Variants in POC1B observed in about 807,000 individuals in gnomAD.
POC1B encodes POC1 centriolar protein homolog B.
In POC1B, 44 loss-of-function variants were observed where a neutral mutation model predicts 60.6. That is an observed-to-expected ratio of 0.73 (90% CI 0.57 to 0.93). The LOEUF (loss-of-function observed/expected upper bound fraction) is 0.93. Ranked by LOEUF, POC1B falls within the 40% of genes least tolerant of loss-of-function variation. The pLI is 0.00. For synonymous variants in POC1B, 180 were observed against 198.9 expected (o/e 0.90, Z 0.80); for missense variants, 555 against 572.3 (o/e 0.97, Z 0.31).
chr12:89,469,436 G>A (rs1040349246), intron 7 of POC1B, among the ~76,000 whole-genome samples: 1 of 152,246 alleles, frequency 6.6e-6, no homozygotes, highest in East Asian at 1.9e-4. Context: ...ATAAATGCTT[G>A]TAAAAAGAGA....
chr12:89,445,992 C>T (rs941702794), intron 10 of POC1B, among the ~76,000 whole-genome samples: 7 of 152,174 alleles, frequency 4.6e-5, no homozygotes, highest in Admixed American at 6.5e-5. Context: ...AGCCAACAGA[C>T]ACATGAAAAA....
At chr12:89,451,725 ATG>A (rs995989040) in intron 10 of POC1B, among the ~76,000 whole-genome samples, 4 of 152,348 alleles carry the variant, frequency 2.6e-5, no homozygotes, top group African/African-American at 9.6e-5. Flanking sequence ...ACTGAAAAAT[ATG>A]TGTTAGCAGA....
Position 89,525,174 on chromosome 12 carries a change from C to T in POC1B, c.46G>A (p.Gly16Ser), listed in dbSNP as rs780295968. The change falls in exon 2 of 12, where the codon GGC (glycine) becomes AGC (serine). Residue 16 changes from glycine (G) to serine (S), a missense_variant. Gly to Ser is a moderately conservative substitution (Grantham distance 56). Coordinates refer to ENST00000313546, the MANE Select transcript of POC1B (RefSeq NM_172240.3). ...EDPVLERYFK[G>S]HKAAITSLDL... ...AAGGAGGTGATCGCAGCTTTGTGGC[C>T]TTTGAAATAACGCTCCAGAACGGGG... 8 of 1,613,418 alleles carry T rather than the reference C, an allele frequency of 5.0e-6. No individual in the cohort carries two copies. Among genetic ancestry groups the T allele is most frequent in the Admixed American group, 3.3e-5 (2 of 59,970 alleles).
At chr12:89,476,759 T>TAGATAGATAGATAGACAGAC (rs1485211003) in intron 4 of POC1B, among the ~76,000 whole-genome samples, 27 of 58,642 alleles carry the variant, frequency 4.6e-4, no homozygotes, top group East Asian at 2.5e-3. Context: ...GATAGATAGA[T>TAGATAGATAGATAGACAGAC]AGACAGACAG....
intron 2 of POC1B, chr12:89,500,354 C>T: frequency 6.6e-7 from 1 of 1,507,848 alleles, no homozygotes; most frequent in Non-Finnish European, 9.2e-7. Context: ...GTCAGTTCCA[C>T]TTTCTTCAAG....
downstream of POC1B, among the ~76,000 whole-genome samples, chr12:89,416,728 G>C (rs903744794): frequency 6.6e-6 from 1 of 152,084 alleles, no homozygotes; most frequent in Admixed American, 6.6e-5. Context: ...ACAAGCCAGA[G>C]ACCTAATTTA....
rs1317129850 is a variant in POC1B at position 89,525,987 on chromosome 12, C to T, written c.-92G>A. On this transcript the variant is annotated 5_prime_UTR_variant, in exon 1 of 12. Transcript: ENST00000313546. ...GGAAGGAGAGGGGACCGTGCGGCTC[C>T]CGGAACCGTCTGCCCAGAGCGGCAG... 5.2e-6 allele frequency: 8 copies of T among 1,543,604 alleles called. No individual in the cohort carries two copies. In the African/African-American group the frequency reaches 6.9e-5, roughly 13 times the overall value.
intron 1 of POC1B, chr12:89,525,552 T>C (rs1414471140): frequency 2.1e-5 from 6 of 281,716 alleles, no homozygotes; most frequent in South Asian, 2.1e-4. Context: ...GCTTTGGTAC[T>C]TTTTTTTTTT....
At chr12:89,450,212 C>T (rs1320538540) in intron 10 of POC1B, among the ~76,000 whole-genome samples, 1 of 144,902 alleles carries the variant, frequency 6.9e-6, no homozygotes, top group African/African-American at 2.5e-5. Context: ...AAATCTTCTT[C>T]TTTTTTTTTT....
In POC1B at chr12:89,525,948, A is replaced by C. The variant is rs1211362866; in HGVS notation, c.-53T>G. 6.5e-6 allele frequency: 10 copies of C among 1,535,238 alleles called. No individual in the cohort carries two copies. The South Asian group carries it at 1.2e-4, about 19-fold the overall frequency. ...GTGGGTGGGGGAACCCGGAGAGGGG[A>C]GGGGAGAGGATGGGGAAGGAGAGGG... On this transcript the variant is annotated 5_prime_UTR_variant, in exon 1 of 12. Transcript: ENST00000313546.
chr12:89,408,809 C>A, the POC1B span, among the ~76,000 whole-genome samples: 3 of 152,094 alleles, frequency 2.0e-5, no homozygotes, highest in African/African-American at 7.2e-5. Flanking sequence ...TTTTAATGAT[C>A]GCCATTCTAA....
intron 4 of POC1B, among the ~76,000 whole-genome samples, chr12:89,481,819 T>A (rs1217669200): frequency 4.6e-5 from 7 of 152,176 alleles, no homozygotes; most frequent in African/African-American, 1.7e-4. Context: ...CAGCCTTTTC[T>A]GAATACTCCA....
At chr12:89,500,310 C>T (rs904432245) in intron 2 of POC1B, 23 of 1,532,506 alleles carry the variant, frequency 1.5e-5, no homozygotes, top group Non-Finnish European at 2.0e-5. Flanking sequence ...TGTATTCAGT[C>T]ACCAAGCAAA....
At chr12:89,483,607 C>A (rs1371937657) in intron 4 of POC1B, among the ~76,000 whole-genome samples, 1 of 152,160 alleles carries the variant, frequency 6.6e-6, no homozygotes, top group Non-Finnish European at 1.5e-5. Context: ...AATACCCTCA[C>A]CTTTGGGGTA....
chr12:89,473,548 C>G (rs866509608), intron 4 of POC1B, among the ~76,000 whole-genome samples: 1 of 151,534 alleles, frequency 6.6e-6, no homozygotes, highest in Non-Finnish European at 1.5e-5. Context: ...GTAATCCCAG[C>G]TACTCAGGAG....
intron 2 of POC1B, among the ~76,000 whole-genome samples, chr12:89,504,685 G>A (rs922469906): frequency 6.6e-6 from 1 of 151,856 alleles, no homozygotes; most frequent in Non-Finnish European, 1.5e-5. Context: ...CAAAAATTAA[G>A]AAGTTTTGTT....
At chr12:89,447,191 A>G (rs565522837) in intron 10 of POC1B, among the ~76,000 whole-genome samples, 1 of 152,180 alleles carries the variant, frequency 6.6e-6, no homozygotes, top group Non-Finnish European at 1.5e-5. Context: ...AATTGTAACT[A>G]TTTGGTAAAC....
chr12:89,476,835 T>C (rs1471473724), intron 4 of POC1B, among the ~76,000 whole-genome samples: 1 of 152,082 alleles, frequency 6.6e-6, no homozygotes, highest in African/African-American at 2.4e-5. Flanking sequence ...CAGAATACAT[T>C]TTCTATAAAA....
At chr12:89,514,718 C>A (rs1171655150) in intron 2 of POC1B, among the ~76,000 whole-genome samples, 1 of 152,004 alleles carries the variant, frequency 6.6e-6, no homozygotes, top group Non-Finnish European at 1.5e-5. Flanking sequence ...TCAGGTATTT[C>A]TTTATTGCAG....
Sources: gnomAD v4.1 joint callset for allele counts (sites outside exome capture counted in the v4.1 genomes callset) on GRCh38, gnomAD v4.1.1 for gene constraint, MANE v1.5 for transcripts, NCBI Gene and HGNC (gene_info 2026-07-23, HGNC 2026-07-21) for gene names.